LOC400499: variants seen among roughly 807,000 people sequenced by gnomAD.
the LOC400499 span, chr16:11,462,395 A>G: frequency 2.2e-6 from 3 of 1,371,250 alleles, no homozygotes; most frequent in Non-Finnish European, 2.8e-6. Context: ...GGCAGGAGAC[A>G]ACATCGCTAA....
At chr16:11,506,679 G>A in the LOC400499 span, among the ~76,000 whole-genome samples, 41 of 152,170 alleles carry the variant, frequency 2.7e-4, no homozygotes, top group Admixed American at 7.2e-4. Context: ...CCCCCACATC[G>A]AAACTCCGGG....
the LOC400499 span, among the ~76,000 whole-genome samples, chr16:11,381,383 G>C: frequency 6.6e-6 from 1 of 151,996 alleles, no homozygotes; most frequent in Non-Finnish European, 1.5e-5. Flanking sequence ...GTACAAGTGT[G>C]AGCCACCACA....
chr16:11,415,580 T>A, the LOC400499 span, among the ~76,000 whole-genome samples: 1 of 152,206 alleles, frequency 6.6e-6, no homozygotes, highest in Non-Finnish European at 1.5e-5. Flanking sequence ...TTCAGCCACA[T>A]GTACCTACTA....
At chr16:11,377,206 T>C in the LOC400499 span, among the ~76,000 whole-genome samples, 165 of 152,364 alleles carry the variant, frequency 1.1e-3, no homozygotes, top group Non-Finnish European at 1.6e-3. Context: ...TTTGTAATCC[T>C]GAAACTTTGA....
chr16:11,420,742 G>C, the LOC400499 span, among the ~76,000 whole-genome samples: 78,689 of 151,706 alleles, frequency 0.52, 20,764 homozygotes, highest in Non-Finnish European at 0.57. Context: ...CAAAGAATGA[G>C]CCGCGGCCCA....
At chr16:11,435,630 T>A in the LOC400499 span, 1 of 399,418 alleles carries the variant, frequency 2.5e-6, no homozygotes. Context: ...GTGGTCTCCC[T>A]GCCTCCTCGC....
the LOC400499 span, among the ~76,000 whole-genome samples, chr16:11,394,604 C>G: frequency 6.6e-6 from 1 of 152,184 alleles, no homozygotes; most frequent in Non-Finnish European, 1.5e-5. Flanking sequence ...TGGTGTTATT[C>G]GGAAATAGGT....
the LOC400499 span, chr16:11,412,961 G>A: frequency 7.5e-6 from 3 of 399,216 alleles, no homozygotes; most frequent in East Asian, 7.1e-5. Flanking sequence ...GAGCTGAGGA[G>A]GGAGCAGGCT....
the LOC400499 span, among the ~76,000 whole-genome samples, chr16:11,479,700 T>A: frequency 1.3e-5 from 2 of 152,178 alleles, no homozygotes; most frequent in Non-Finnish European, 2.9e-5. Flanking sequence ...CTTCAACTGA[T>A]TTCCCCATTG....
At chr16:11,509,488 C>T in the LOC400499 span, among the ~76,000 whole-genome samples, 2 of 151,790 alleles carry the variant, frequency 1.3e-5, no homozygotes, top group African/African-American at 2.4e-5. Flanking sequence ...TCCAAGCCAT[C>T]GAGTGACCAA....
chr16:11,477,455 C>CCACAGA, the LOC400499 span, among the ~76,000 whole-genome samples: 3 of 152,222 alleles, frequency 2.0e-5, no homozygotes, highest in Non-Finnish European at 4.4e-5. Flanking sequence ...GTTTCCTCAT[C>CCACAGA]TGTCAGTGGG....
At chr16:11,438,183 A>G in the LOC400499 span, among the ~76,000 whole-genome samples, 1 of 152,216 alleles carries the variant, frequency 6.6e-6, no homozygotes, top group Non-Finnish European at 1.5e-5. Context: ...CCACGCAATC[A>G]TTTCACAGAC....
the LOC400499 span, among the ~76,000 whole-genome samples, chr16:11,444,405 A>G: frequency 6.6e-6 from 1 of 152,200 alleles, no homozygotes; most frequent in East Asian, 1.9e-4. Flanking sequence ...CTGCCTCAAA[A>G]AAGACCCTCT....
At chr16:11,489,392 T>C in the LOC400499 span, among the ~76,000 whole-genome samples, 1 of 152,208 alleles carries the variant, frequency 6.6e-6, no homozygotes, top group Non-Finnish European at 1.5e-5. Flanking sequence ...AAGCAGAGCC[T>C]GGACCTAAAA....
the LOC400499 span, chr16:11,387,289 G>A: frequency 2.4e-6 from 3 of 1,232,122 alleles, no homozygotes; most frequent in East Asian, 6.3e-5. Flanking sequence ...CCACCACTGA[G>A]CGGTTCCTGC....
At chr16:11,396,240 C>A in the LOC400499 span, among the ~76,000 whole-genome samples, 1 of 152,238 alleles carries the variant, frequency 6.6e-6, no homozygotes, top group Non-Finnish European at 1.5e-5. Flanking sequence ...GGCAGCCCAG[C>A]CACTGCCTCT....
At chr16:11,527,152 GA>G in the LOC400499 span, among the ~76,000 whole-genome samples, 8 of 152,178 alleles carry the variant, frequency 5.3e-5, no homozygotes, top group Non-Finnish European at 1.5e-5. Context: ...GGACCAGACC[GA>G]GGAGTCCCAC....
the LOC400499 span, chr16:11,462,177 T>G: frequency 1.2e-5 from 18 of 1,534,208 alleles, no homozygotes; most frequent in Non-Finnish European, 1.6e-5. Flanking sequence ...GCCAGCTTGC[T>G]GCCCACCTGC....
At chr16:11,437,918 C>A in the LOC400499 span, among the ~76,000 whole-genome samples, 263 of 152,298 alleles carry the variant, frequency 1.7e-3, 2 homozygotes, top group African/African-American at 6.2e-3. Flanking sequence ...GACCCAGCAT[C>A]CAAGCTTCCA....
Sources: allele counts gnomAD v4.1 joint callset (sites outside exome capture counted in the v4.1 genomes callset), GRCh38; gene constraint gnomAD v4.1.1; transcripts MANE v1.5.